Variants in RBFOX3 observed in about 807,000 individuals in gnomAD.
RBFOX3 encodes RNA binding protein fox-1 homolog 3.
In RBFOX3, 17 loss-of-function variants were observed where a neutral mutation model predicts 48.7. The observed-to-expected ratio is 0.35, with a 90% CI of 0.24 to 0.52. The LOEUF (loss-of-function observed/expected upper bound fraction) is 0.52. RBFOX3 is among the 20% of genes least tolerant of loss of function. The probability of loss-of-function intolerance (pLI) is 0.94; values close to 1 mark genes in which losing one functional copy is unlikely to be tolerated. For synonymous variants in RBFOX3, 212 were observed against 209.5 expected (o/e 1.01, Z -0.10); for missense variants, 382 against 497.5 (o/e 0.77, Z 2.21).
intron 1 of RBFOX3, among the ~76,000 whole-genome samples, chr17:79,563,464 C>T (rs1334498276): frequency 1.3e-5 from 2 of 152,236 alleles, no homozygotes; most frequent in Non-Finnish European, 2.9e-5. Context: ...GCATGTTTCT[C>T]TCTCTGGCCT....
In RBFOX3 at chr17:79,429,054, C is replaced by T. The variant is rs187817793; in HGVS notation, c.-175+53400G>A. 4.4e-3 allele frequency among the ~76,000 whole-genome samples: 668 copies of T among 152,320 alleles called. 2 individuals are homozygous for T. Among genetic ancestry groups the T allele is most frequent in the Non-Finnish European group, 8.0e-3 (542 of 68,024 alleles). On this transcript the variant is annotated intron_variant, in intron 2 of 14. Transcript: ENST00000693108. ...CTTCCCCCTTGAGATTCTCCCCTAC[C>T]CAGAACCTTTTCCTGCTGCTGTTGA...
chr17:79,636,523 C>T, the RBFOX3 span, among the ~76,000 whole-genome samples: 1 of 152,014 alleles, frequency 6.6e-6, no homozygotes, highest in African/African-American at 2.4e-5. Flanking sequence ...GTTTTAAGAA[C>T]AGAAGTAAAA....
intron 3 of RBFOX3, among the ~76,000 whole-genome samples, chr17:79,255,432 T>C (rs1329830846): frequency 6.6e-6 from 1 of 152,094 alleles, no homozygotes; most frequent in Non-Finnish European, 1.5e-5. Context: ...GCATAGTCCC[T>C]GTCACCATTC....
chr17:79,187,331 C>A (rs1477464465), intron 4 of RBFOX3, among the ~76,000 whole-genome samples: 3 of 152,222 alleles, frequency 2.0e-5, no homozygotes, highest in Non-Finnish European at 4.4e-5. Flanking sequence ...CCCAGGCCGA[C>A]CATCCTCAGG....
intron 1 of RBFOX3, chr17:79,601,745 G>C (rs1447237913): frequency 6.6e-6 from 1 of 152,132 alleles, no homozygotes; most frequent in African/African-American, 2.4e-5. Context: ...GAAGGGGGCG[G>C]GCTGTGTCTT....
At chr17:79,218,259 C>T (rs1240731705) in intron 4 of RBFOX3, among the ~76,000 whole-genome samples, 1 of 151,858 alleles carries the variant, frequency 6.6e-6, no homozygotes, top group African/African-American at 2.4e-5. Flanking sequence ...CGTTTGGGTG[C>T]CGTCTCCCAC....
In RBFOX3 at chr17:79,362,645, G is replaced by C. The variant is rs547824139; in HGVS notation, c.-174-54821C>G. Among the ~76,000 whole-genome samples, 3 of 152,180 alleles carry C rather than the reference G, an allele frequency of 2.0e-5. No individual in the cohort carries two copies. The highest frequency in any genetic ancestry group is 4.4e-5 in the Non-Finnish European group (3 of 68,026). On this transcript the variant is annotated intron_variant, in intron 2 of 14. Transcript: ENST00000693108. The surrounding 1 kb of genome is among the most constrained non-coding windows in gnomAD (Gnocchi z 4.2). ...CTGGCGCCCCAGGAAAATGAGAGCCGGCCTGCCGGGCAATTGCTTCCTGTG... is the reference window on the plus strand; with the variant it reads ...CTGGCGCCCCAGGAAAATGAGAGCCCGCCTGCCGGGCAATTGCTTCCTGTG...
chr17:79,095,423 G>A (rs771467449), intron 13 of RBFOX3, 90 bp downstream of exon 13: 47 of 1,189,654 alleles, frequency 4.0e-5, no homozygotes, highest in East Asian at 1.3e-4. Context: ...AGTGGGTTAC[G>A]CCTCCTGCCT....
rs574987889 is a variant in RBFOX3 at position 79,536,909 on chromosome 17, C to A, written c.-319-54311G>T. Among the ~76,000 whole-genome samples the A allele has an allele frequency of 2.9e-3, 435 of 152,240 alleles. 1 individual carries two copies. Among genetic ancestry groups the A allele is most frequent in the African/African-American group, 9.7e-3 (403 of 41,524 alleles). ...GACCATCCTGGCCAACATGGTAAAA[C>A]CCCGTCTCTACTAAAAATACAAAAA... On this transcript the variant is annotated intron_variant, in intron 1 of 14. Coordinates refer to ENST00000693108, the MANE Select transcript of RBFOX3 (RefSeq NM_001350451.2).
chr17:79,326,504 T>C (rs553849361), intron 2 of RBFOX3, among the ~76,000 whole-genome samples: 1 of 152,324 alleles, frequency 6.6e-6, no homozygotes, highest in African/African-American at 2.4e-5. Flanking sequence ...ATGCCGTCTA[T>C]ATATTCTTTC....
In RBFOX3 at chr17:79,387,948, G is replaced by T. The variant is rs566600109; in HGVS notation, c.-174-80124C>A. On this transcript the variant is annotated intron_variant, in intron 2 of 14. Transcript: ENST00000693108. Reference sequence around the variant, plus strand: ...CATGCGTGTGCATGTGTACATGTGTGCATGTACATGCATGTGTGAACGTGT... The same window carrying T: ...CATGCGTGTGCATGTGTACATGTGTTCATGTACATGCATGTGTGAACGTGT... Among the ~76,000 whole-genome samples, 4 of 152,266 alleles carry T rather than the reference G, an allele frequency of 2.6e-5. No homozygotes were observed. In the East Asian group the frequency reaches 7.7e-4, roughly 29 times the overall value.
At chr17:79,277,215 A>C (rs902245264) in intron 3 of RBFOX3, among the ~76,000 whole-genome samples, 12 of 147,764 alleles carry the variant, frequency 8.1e-5, no homozygotes, top group African/African-American at 2.7e-4. Context: ...CACATGGCAC[A>C]GCCTGGTTCT....
At chr17:79,333,249 G>C (rs1048002611) in intron 2 of RBFOX3, among the ~76,000 whole-genome samples, 6 of 152,168 alleles carry the variant, frequency 3.9e-5, no homozygotes, top group Admixed American at 6.5e-5. Flanking sequence ...ACCCATCAAA[G>C]GATTTGGGGG....
At chr17:79,202,171 C>A (rs1239118252) in intron 4 of RBFOX3, among the ~76,000 whole-genome samples, 1 of 152,100 alleles carries the variant, frequency 6.6e-6, no homozygotes. Context: ...GAGGAAGACA[C>A]CCCGGGGTGT....
At chr17:79,308,631 AG>A (rs966449949) in intron 2 of RBFOX3, among the ~76,000 whole-genome samples, 14 of 152,116 alleles carry the variant, frequency 9.2e-5, no homozygotes, top group Non-Finnish European at 2.1e-4. Context: ...TGGTATTTGA[AG>A]GTGGGGCCTT....
chr17:79,318,989 G>A (rs908087097), intron 2 of RBFOX3, among the ~76,000 whole-genome samples: 2 of 151,420 alleles, frequency 1.3e-5, no homozygotes, highest in Non-Finnish European at 1.5e-5. Flanking sequence ...TAACCTGCAC[G>A]TTGTGCATAT....
intron 4 of RBFOX3, among the ~76,000 whole-genome samples, chr17:79,200,701 A>G (rs1196019632): frequency 1.3e-5 from 2 of 152,108 alleles, no homozygotes; most frequent in Non-Finnish European, 2.9e-5. Flanking sequence ...CCTGACGTGA[A>G]CTCAATAATA....
chr17:79,617,967 T>G, the RBFOX3 span, among the ~76,000 whole-genome samples: 1 of 152,226 alleles, frequency 6.6e-6, no homozygotes, highest in Non-Finnish European at 1.5e-5. Context: ...GCTTGATATT[T>G]TATTTAAGAG....
intron 4 of RBFOX3, among the ~76,000 whole-genome samples, chr17:79,180,872 C>T (rs1288387319): frequency 6.6e-6 from 1 of 152,054 alleles, no homozygotes; most frequent in Non-Finnish European, 1.5e-5. Context: ...CTGGCTTTCC[C>T]AGGGACAATT....
Sources: gnomAD v4.1 joint callset for allele counts (sites outside exome capture counted in the v4.1 genomes callset) on GRCh38, gnomAD v4.1.1 for gene constraint, Gnocchi (gnomAD v3.1) non-coding constraint, MANE v1.5 for transcripts, NCBI Gene and HGNC (gene_info 2026-07-23, HGNC 2026-07-21) for gene names.